ARHGAP15: variants seen among roughly 807,000 people sequenced by gnomAD.
The protein encoded by ARHGAP15 is rho GTPase-activating protein 15.
A neutral mutation model predicts 63.7 loss-of-function variants in ARHGAP15; 51 were observed. The observed-to-expected ratio is 0.80, with a 90% CI of 0.64 to 1.01. The LOEUF is 1.01. Ranked by LOEUF, ARHGAP15 falls within the 50% of genes least tolerant of loss-of-function variation. The probability of loss-of-function intolerance (pLI) is 0.00; values close to 1 mark genes in which losing one functional copy is unlikely to be tolerated. For synonymous variants in ARHGAP15, 191 were observed against 193.8 expected (o/e 0.99, Z 0.12); for missense variants, 560 against 564.6 (o/e 0.99, Z 0.08).
intron 6 of ARHGAP15, among the ~76,000 whole-genome samples, chr2:143,399,745 C>T (rs1574393842): frequency 2.6e-5 from 4 of 152,022 alleles, no homozygotes; most frequent in South Asian, 4.2e-4. Flanking sequence ...CATCTGACTC[C>T]GGGTCTGCCT....
intron 6 of ARHGAP15, among the ~76,000 whole-genome samples, chr2:143,354,919 C>T (rs989077035): frequency 1.3e-5 from 2 of 152,160 alleles, no homozygotes; most frequent in African/African-American, 4.8e-5. Flanking sequence ...TCTGCAATCC[C>T]TTCCATTTCA....
At chr2:143,669,209 G>A (rs1682389327) in intron 12 of ARHGAP15, among the ~76,000 whole-genome samples, 1 of 152,150 alleles carries the variant, frequency 6.6e-6, no homozygotes, top group Non-Finnish European at 1.5e-5. Context: ...AAAATTTCAG[G>A]TATAGAAAAC....
intron 8 of ARHGAP15, among the ~76,000 whole-genome samples, chr2:143,479,339 G>T (rs562176046): frequency 8.2e-4 from 118 of 144,320 alleles, no homozygotes; most frequent in Middle Eastern, 3.8e-3. Flanking sequence ...TCTTTTTGGG[G>T]TTTTTTTTTT....
intron 12 of ARHGAP15, among the ~76,000 whole-genome samples, chr2:143,651,298 C>T (rs1354071335): frequency 6.6e-6 from 1 of 151,922 alleles, no homozygotes; most frequent in Non-Finnish European, 1.5e-5. Context: ...TTTCCTTCCT[C>T]CACTCCCTGG....
chr2:143,673,151 C>T (rs1682614738), intron 12 of ARHGAP15, among the ~76,000 whole-genome samples: 1 of 152,078 alleles, frequency 6.6e-6, no homozygotes, highest in Admixed American at 6.6e-5. Flanking sequence ...AAAAGAAAAC[C>T]TTGATTCTTA....
intron 13 of ARHGAP15, among the ~76,000 whole-genome samples, chr2:143,751,238 T>A (rs1686360712): frequency 6.6e-6 from 1 of 152,216 alleles, no homozygotes; most frequent in Non-Finnish European, 1.5e-5. Context: ...AGGATGAAGA[T>A]GGCTTGGCCT....
intron 6 of ARHGAP15, among the ~76,000 whole-genome samples, chr2:143,403,411 A>G (rs900994921): frequency 6.6e-6 from 1 of 151,722 alleles, no homozygotes; most frequent in Non-Finnish European, 1.5e-5. Context: ...TAATTTTCAA[A>G]CTCCATCAAC....
intron 6 of ARHGAP15, 57 bp from the exon 7 acceptor site, chr2:143,435,544 C>G: frequency 7.0e-7 from 1 of 1,435,238 alleles, no homozygotes; most frequent in Non-Finnish European, 9.1e-7. Flanking sequence ...TGTAAGAGAT[C>G]TATCTTACAT....
At chr2:143,181,363 T>C (rs988746100) in intron 2 of ARHGAP15, among the ~76,000 whole-genome samples, 1 of 152,224 alleles carries the variant, frequency 6.6e-6, no homozygotes, top group African/African-American at 2.4e-5. Flanking sequence ...CAGCCTGTCC[T>C]TTGAAGCTTT....
intron 5 of ARHGAP15, among the ~76,000 whole-genome samples, chr2:143,242,086 T>C (rs189185500): frequency 2.0e-5 from 3 of 152,360 alleles, no homozygotes; most frequent in East Asian, 3.9e-4. Context: ...GAGTCTTCAC[T>C]TGCCTGCTTC....
At chr2:143,600,132 G>A (rs543355198) in intron 11 of ARHGAP15, among the ~76,000 whole-genome samples, 20 of 151,944 alleles carry the variant, frequency 1.3e-4, no homozygotes, top group Non-Finnish European at 1.8e-4. Flanking sequence ...TTTTCTTGTC[G>A]GCCTGATTTG....
intron 13 of ARHGAP15, among the ~76,000 whole-genome samples, chr2:143,745,857 A>AAGG (rs895276054): frequency 3.3e-5 from 5 of 152,220 alleles, no homozygotes; most frequent in Non-Finnish European, 5.9e-5. Context: ...GAAGCTGAGC[A>AAGG]AGGCTAAGTG....
intron 6 of ARHGAP15, chr2:143,350,974 T>C (rs1685543373): frequency 6.6e-6 from 1 of 151,460 alleles, no homozygotes; most frequent in South Asian, 2.1e-4. Flanking sequence ...ATATCTATTA[T>C]AGTATGTAAG....
intron 2 of ARHGAP15, among the ~76,000 whole-genome samples, chr2:143,175,587 G>A (rs889346951): frequency 3.3e-5 from 5 of 152,114 alleles, no homozygotes; most frequent in Non-Finnish European, 5.9e-5. Flanking sequence ...GCAGGTATCC[G>A]CATAGCACAG....
intron 2 of ARHGAP15, among the ~76,000 whole-genome samples, chr2:143,192,278 T>G (rs1338352890): frequency 1.3e-5 from 2 of 152,206 alleles, no homozygotes; most frequent in African/African-American, 4.8e-5. Context: ...TGGCACTGTA[T>G]AAAGACTAGG....
intron 6 of ARHGAP15, among the ~76,000 whole-genome samples, chr2:143,273,979 T>A (rs1170957451): frequency 6.6e-6 from 1 of 152,194 alleles, no homozygotes; most frequent in East Asian, 1.9e-4. Flanking sequence ...TGGGAAAATA[T>A]CTGAATTTGA....
At chr2:143,438,334 TAAGA>T (rs1689708213) in intron 8 of ARHGAP15, among the ~76,000 whole-genome samples, 1 of 152,208 alleles carries the variant, frequency 6.6e-6, no homozygotes, top group South Asian at 2.1e-4. Context: ...ATGTGTGCAT[TAAGA>T]AATATATGTA....
At chr2:143,376,899 T>C (rs1686836229) in intron 6 of ARHGAP15, among the ~76,000 whole-genome samples, 1 of 152,116 alleles carries the variant, frequency 6.6e-6, no homozygotes. Flanking sequence ...GCTTTTTAGA[T>C]TGCACATATA....
intron 6 of ARHGAP15, among the ~76,000 whole-genome samples, chr2:143,342,342 A>G (rs997031699): frequency 1.3e-5 from 2 of 152,060 alleles, no homozygotes; most frequent in African/African-American, 4.8e-5. Flanking sequence ...AAAAATACTC[A>G]TCTAGCAGTA....
Sources: gnomAD v4.1 joint callset for allele counts (sites outside exome capture counted in the v4.1 genomes callset) on GRCh38, gnomAD v4.1.1 for gene constraint, MANE v1.5 for transcripts, NCBI Gene and HGNC (gene_info 2026-07-23, HGNC 2026-07-21) for gene names.